The following PDS5B variants were observed in gnomAD, a reference collection of about 807,000 sequenced individuals.
The protein encoded by PDS5B is PDS5 cohesin associated factor B.
Under a neutral mutation model 184.1 loss-of-function variants are expected in PDS5B, and 51 were observed. The ratio of observed to expected loss-of-function variants is 0.28; its 90% CI spans 0.22 to 0.35. The LOEUF is 0.35. Among genes scored for constraint, PDS5B ranks in the 10% least tolerant of loss-of-function variants. The pLI, the probability that PDS5B is intolerant of heterozygous loss-of-function variation, is 1.00. For synonymous variants in PDS5B, 566 were observed against 569.2 expected, an observed-to-expected ratio of 0.99 and a Z score of 0.08; for missense variants, 1,180 against 1,723.3, an observed-to-expected ratio of 0.68 and a Z score of 5.58.
chr13:32,641,271 G>T (rs187358915), intron 1 of PDS5B, among the ~76,000 whole-genome samples: 4 of 152,196 alleles, frequency 2.6e-5, no homozygotes, highest in African/African-American at 9.6e-5. Flanking sequence ...TTAAGGAGCA[G>T]CTCTGTATCA....
At chr13:32,691,083 A>G (rs534401784) in intron 13 of PDS5B, 1 of 142,870 alleles carries the variant, frequency 7.0e-6, no homozygotes, top group East Asian at 2.1e-4. Flanking sequence ...CTATGAATCT[A>G]TTACCCAACT....
At position 32,777,432 on chromosome 13, in the gene PDS5B, A is replaced by G. The variant is rs766553739; in HGVS notation, c.*2380A>G. The G allele has an allele frequency of 4.1e-5, 6 of 145,278 alleles. No homozygotes were observed. Among genetic ancestry groups the G allele is most frequent in the Admixed American group, 1.4e-4 (2 of 14,156 alleles). The allele number at this position is 145,278 out of a possible 1,614,324, so 9.0% of individuals were successfully genotyped here. A position where few individuals can be genotyped will look rare whatever the true frequency, so the allele number is the denominator to read the frequency against. ...TCTTGAGTCTCCATCTTAGGGGATT[A>G]TCTTACGTTTAAGCTTAACATTTCA... is the stretch of plus-strand genomic sequence containing the variant. On this transcript the variant is annotated 3_prime_UTR_variant, in exon 35 of 35. Coordinates refer to ENST00000315596, the MANE Select transcript of PDS5B (RefSeq NM_015032.4).
At chr13:32,716,666 G>GT (rs1287709602) in intron 19 of PDS5B, among the ~76,000 whole-genome samples, 1 of 138,404 alleles carries the variant, frequency 7.2e-6, no homozygotes, top group African/African-American at 2.7e-5. Context: ...GAGGGAGGTG[G>GT]GGGGGGTCAG....
intron 1 of PDS5B, among the ~76,000 whole-genome samples, chr13:32,595,757 G>A (rs534438727): frequency 2.0e-5 from 3 of 152,264 alleles, no homozygotes; most frequent in African/African-American, 7.2e-5. Flanking sequence ...CTAACAATAG[G>A]ATGCTAGAAC....
At position 32,694,205 on chromosome 13, in the gene PDS5B, T is replaced by C; in HGVS notation, c.1470-18T>C. On this transcript the variant is annotated intron_variant, in intron 13 of 34. Transcript: ENST00000315596. ...TATTCTGTTTTGTTATTTAAATGTG[T>C]ATGTTTGTGTTTTTCAGAGCATTGA... 4 of 1,508,658 alleles carry C rather than the reference T, an allele frequency of 2.7e-6. No individual in the cohort carries two copies. Among genetic ancestry groups the C allele is most frequent in the Non-Finnish European group, 3.7e-6 (4 of 1,089,554 alleles). 93.5% of individuals were successfully genotyped at this position (1,508,658 alleles called of 1,614,324 possible).
intron 1 of PDS5B, among the ~76,000 whole-genome samples, chr13:32,612,740 TTTCTC>T (rs1486564742): frequency 1.3e-5 from 2 of 152,196 alleles, no homozygotes; most frequent in East Asian, 3.8e-4. Context: ...GGGAGGCCCT[TTTCTC>T]TTTCTTTTGC....
intron 19 of PDS5B, among the ~76,000 whole-genome samples, chr13:32,711,506 CA>C (rs762872728): frequency 6.4e-4 from 98 of 152,170 alleles, no homozygotes; most frequent in Middle Eastern, 6.8e-3. Flanking sequence ...TACAGGCCTG[CA>C]CCACCACACC....
intron 19 of PDS5B, among the ~76,000 whole-genome samples, chr13:32,722,042 G>A (rs961881746): frequency 1.8e-4 from 28 of 152,314 alleles, no homozygotes; most frequent in Non-Finnish European, 1.2e-4. Context: ...CCGAGATCAC[G>A]CCACTGCACT....
At chr13:32,774,606 G>T (rs1418329490) in intron 34 of PDS5B, among the ~76,000 whole-genome samples, 1 of 152,140 alleles carries the variant, frequency 6.6e-6, no homozygotes, top group Non-Finnish European at 1.5e-5. Flanking sequence ...TAATTGTTAA[G>T]ATCCAAACTC....
rs568661800 is a variant in PDS5B, at chr13:32,635,340, TC to T, written c.-19-13413del. Among the ~76,000 whole-genome samples, 4 of 105,204 alleles carry T rather than the reference TC, an allele frequency of 3.8e-5. No homozygotes were observed. In the South Asian group the frequency reaches 1.2e-3, roughly 31 times the overall value. 69.0% of individuals were successfully genotyped at this position (105,204 alleles called of 152,430 possible). On this transcript the variant is annotated intron_variant, in intron 1 of 34. Transcript: ENST00000315596. ...GGTGTGAGCCACTATGCCTGGCCTGTCTTTTTTTTTTTTTTTTTTTTAAAGA... is the reference window on the plus strand; with the variant it reads ...GGTGTGAGCCACTATGCCTGGCCTGTTTTTTTTTTTTTTTTTTTTTAAAGA...
At chr13:32,740,929 T>A in intron 21 of PDS5B, 151 bp from the exon 22 acceptor site, 1 of 544,054 alleles carries the variant, frequency 1.8e-6, no homozygotes. Flanking sequence ...TTTTTTAAAG[T>A]AAATAGGGTT....
chr13:32,626,677 A>G (rs1206655843), intron 1 of PDS5B, among the ~76,000 whole-genome samples: 1 of 151,978 alleles, frequency 6.6e-6, no homozygotes, highest in Non-Finnish European at 1.5e-5. Context: ...CAATTGTGCA[A>G]CTTACATCTA....
intron 25 of PDS5B, among the ~76,000 whole-genome samples, chr13:32,754,892 C>T (rs923474546): frequency 6.6e-6 from 1 of 152,084 alleles, no homozygotes; most frequent in Non-Finnish European, 1.5e-5. Context: ...AGCTCTTTAC[C>T]TAGTCTTACT....
chr13:32,772,158 G>A (rs1427953719), intron 33 of PDS5B, among the ~76,000 whole-genome samples: 1 of 152,086 alleles, frequency 6.6e-6, no homozygotes, highest in African/African-American at 2.4e-5. Context: ...ACCAAACCAA[G>A]TAAAAAAATT....
intron 22 of PDS5B, among the ~76,000 whole-genome samples, chr13:32,741,940 G>T (rs2140973968): frequency 6.6e-6 from 1 of 152,070 alleles, no homozygotes; most frequent in African/African-American, 2.4e-5. Flanking sequence ...AAGCAGCACT[G>T]GACTAGAAGG....
chr13:32,645,603 ATTT>A (rs539493609), intron 1 of PDS5B, among the ~76,000 whole-genome samples: 2 of 152,076 alleles, frequency 1.3e-5, no homozygotes, highest in South Asian at 4.1e-4. Flanking sequence ...TTGACCTGTG[ATTT>A]TTGACTTTGT....
At chr13:32,705,760 CCTTAAGCTA>C (rs1951992277) in intron 17 of PDS5B, among the ~76,000 whole-genome samples, 1 of 152,078 alleles carries the variant, frequency 6.6e-6, no homozygotes, top group Admixed American at 6.5e-5. Flanking sequence ...CTCACTGTAA[CCTTAAGCTA>C]CTGTGCTTAA....
chr13:32,709,746 C>T (rs530284000), intron 18 of PDS5B, among the ~76,000 whole-genome samples, 200 bp from the exon 19 acceptor site: 4 of 152,120 alleles, frequency 2.6e-5, no homozygotes, highest in Non-Finnish European at 5.9e-5. Context: ...TTCATTATAT[C>T]ATACAATCTT....
intron 1 of PDS5B, among the ~76,000 whole-genome samples, chr13:32,594,596 G>T (rs575917093): frequency 6.6e-6 from 1 of 152,322 alleles, no homozygotes; most frequent in East Asian, 1.9e-4. Flanking sequence ...AATTCTTGAA[G>T]GAGCAACCAT....
Sources: gnomAD v4.1 joint callset for allele counts (sites outside exome capture counted in the v4.1 genomes callset) on GRCh38, gnomAD v4.1.1 for gene constraint, MANE v1.5 for transcripts, NCBI Gene and HGNC (gene_info 2026-07-23, HGNC 2026-07-21) for gene names.